MAD1L1: variants seen among roughly 807,000 people sequenced by gnomAD.
MAD1L1 encodes mitotic spindle assembly checkpoint protein MAD1.
MAD1L1 carries 95 observed loss-of-function variants against 96.9 expected under a neutral mutation model. That is an observed-to-expected ratio of 0.98 (90% CI 0.83 to 1.16). The LOEUF is 1.16. MAD1L1 is among the 50% of genes most tolerant of loss of function. MAD1L1 has a pLI of 0.00. For missense variants in MAD1L1, 1,007 were observed against 954.4 expected, an observed-to-expected ratio of 1.06 and a Z score of -0.73; for synonymous variants, 473 against 396.6, an observed-to-expected ratio of 1.19 and a Z score of -2.29.
At chr7:1,963,721 C>T (rs1173364547) in intron 15 of MAD1L1, among the ~76,000 whole-genome samples, 1 of 152,212 alleles carries the variant, frequency 6.6e-6, no homozygotes, top group Non-Finnish European at 1.5e-5. Context: ...CAGCAGACGC[C>T]GTGCGCTGCC....
intron 17 of MAD1L1, among the ~76,000 whole-genome samples, chr7:1,919,712 A>C (rs1788655371): frequency 6.6e-6 from 1 of 152,230 alleles, no homozygotes; most frequent in African/African-American, 2.4e-5. Context: ...GCCACATGTC[A>C]GAGCTGAGAG....
At chr7:1,857,032 C>G (rs1784292067) in intron 18 of MAD1L1, among the ~76,000 whole-genome samples, 1 of 152,162 alleles carries the variant, frequency 6.6e-6, no homozygotes. Flanking sequence ...TCCAGCAGCA[C>G]TCGGGTGAGG....
intron 17 of MAD1L1, among the ~76,000 whole-genome samples, chr7:1,913,395 C>CG (rs1421797047): frequency 6.6e-6 from 1 of 151,596 alleles, no homozygotes; most frequent in East Asian, 1.9e-4. Flanking sequence ...TCAGGGCAGA[C>CG]GGGCTCTGCA....
chr7:1,894,334 C>G (rs1431742470), intron 18 of MAD1L1, among the ~76,000 whole-genome samples: 1 of 152,206 alleles, frequency 6.6e-6, no homozygotes. Context: ...TGAAAGCTCC[C>G]TAAATGTTGC....
chr7:2,160,117 G>A (rs1357530965), intron 10 of MAD1L1, among the ~76,000 whole-genome samples: 1 of 151,896 alleles, frequency 6.6e-6, no homozygotes, highest in Non-Finnish European at 1.5e-5. Flanking sequence ...TATAGTCCCA[G>A]CTACTCAGGA....
intron 12 of MAD1L1, among the ~76,000 whole-genome samples, chr7:2,045,031 C>A (rs546583855): frequency 6.6e-6 from 1 of 152,336 alleles, no homozygotes; most frequent in African/African-American, 2.4e-5. Flanking sequence ...CGCAGAGGCA[C>A]GATCTGAGCC....
At chr7:2,221,364 C>T (rs1035144906) in intron 5 of MAD1L1, among the ~76,000 whole-genome samples, 1 of 152,208 alleles carries the variant, frequency 6.6e-6, no homozygotes, top group Non-Finnish European at 1.5e-5. Context: ...GAGCCAATCA[C>T]GCCTCCTCTC....
Position 1,945,205 on chromosome 7 carries a change from C to A in MAD1L1, c.1597-8308G>T, listed in dbSNP as rs370685821. 4.0e-4 allele frequency among the ~76,000 whole-genome samples: 61 copies of A among 152,364 alleles called. 1 individual carries two copies. In the South Asian group the frequency reaches 0.012, roughly 31 times the overall value. On this transcript the variant is annotated intron_variant, in intron 16 of 18. Coordinates refer to ENST00000265854, the MANE Select transcript of MAD1L1 (RefSeq NM_001013836.2). ...TGACTGCTGTTGCCAGCGGGACACCCCGATCAGCCTAAACACTCATCTCAG... is the reference window on the plus strand; with the variant it reads ...TGACTGCTGTTGCCAGCGGGACACCACGATCAGCCTAAACACTCATCTCAG...
At chr7:2,127,903 G>A (rs189071177) in intron 11 of MAD1L1, among the ~76,000 whole-genome samples, 18 of 152,294 alleles carry the variant, frequency 1.2e-4, no homozygotes, top group Non-Finnish European at 2.4e-4. Context: ...GGTCTGAACT[G>A]ACTCCGACCA....
intron 17 of MAD1L1, among the ~76,000 whole-genome samples, chr7:1,934,269 A>T (rs1583836293): frequency 6.6e-6 from 1 of 151,530 alleles, no homozygotes; most frequent in Non-Finnish European, 1.5e-5. Context: ...GCCTCTTCGC[A>T]CCCCCCACTC....
chr7:2,057,158 G>A (rs868738051), intron 12 of MAD1L1, among the ~76,000 whole-genome samples: 6 of 152,190 alleles, frequency 3.9e-5, no homozygotes, highest in Admixed American at 6.5e-5. Flanking sequence ...CTTGAGCTCC[G>A]AGTCTGCTGT....
chr7:1,855,240 G>A (rs1349788220), intron 18 of MAD1L1, among the ~76,000 whole-genome samples: 2 of 152,050 alleles, frequency 1.3e-5, no homozygotes, highest in East Asian at 3.9e-4. Context: ...GTGGCAGACG[G>A]GGCCTGAGGT....
intron 11 of MAD1L1, among the ~76,000 whole-genome samples, chr7:2,136,019 G>A (rs1402525423): frequency 1.3e-5 from 2 of 152,106 alleles, no homozygotes; most frequent in Admixed American, 6.5e-5. Context: ...TCAGGGCAGG[G>A]GTCACAGCCT....
At chr7:2,122,933 T>A (rs1336590827) in intron 11 of MAD1L1, among the ~76,000 whole-genome samples, 2 of 152,188 alleles carry the variant, frequency 1.3e-5, no homozygotes, top group African/African-American at 4.8e-5. Flanking sequence ...CGTCTGCCCA[T>A]CCTGCCCTGG....
chr7:2,102,281 C>G (rs1305360282), intron 11 of MAD1L1, among the ~76,000 whole-genome samples: 1 of 150,674 alleles, frequency 6.6e-6, no homozygotes, highest in Non-Finnish European at 1.5e-5. Context: ...CTATCACCAC[C>G]ACCACCGCCA....
At chr7:2,226,441 G>T (rs1467280682) in intron 3 of MAD1L1, among the ~76,000 whole-genome samples, 1 of 151,614 alleles carries the variant, frequency 6.6e-6, no homozygotes, top group African/African-American at 2.4e-5. Flanking sequence ...GATTACAGGT[G>T]AGCTGAGCTC....
intron 18 of MAD1L1, among the ~76,000 whole-genome samples, chr7:1,853,329 G>C (rs1784077867): frequency 6.6e-6 from 1 of 152,208 alleles, no homozygotes; most frequent in Non-Finnish European, 1.5e-5. Context: ...TCCCCTGTGG[G>C]TGGCACAGCA....
intron 17 of MAD1L1, among the ~76,000 whole-genome samples, chr7:1,922,438 T>C (rs1368838738): frequency 6.6e-6 from 1 of 152,222 alleles, no homozygotes; most frequent in Non-Finnish European, 1.5e-5. Context: ...TTGTGTAATA[T>C]TTACAGAACT....
chr7:2,061,206 G>A (rs935785382), intron 12 of MAD1L1, among the ~76,000 whole-genome samples: 16 of 152,256 alleles, frequency 1.1e-4, no homozygotes, highest in African/African-American at 2.6e-4. Context: ...GCGTGCTGGC[G>A]CGTGCCTGTA....
Sources: gnomAD v4.1 joint callset for allele counts (sites outside exome capture counted in the v4.1 genomes callset) on GRCh38, gnomAD v4.1.1 for gene constraint, MANE v1.5 for transcripts, NCBI Gene and HGNC (gene_info 2026-07-23, HGNC 2026-07-21) for gene names.